Variants in PDE3A observed in about 807,000 individuals in gnomAD.
PDE3A encodes phosphodiesterase 3A.
A neutral mutation model predicts 98.3 loss-of-function variants in PDE3A; 43 were observed. That is an observed-to-expected ratio of 0.44 (90% CI 0.34 to 0.56). The LOEUF is 0.56. PDE3A is among the 20% of genes least tolerant of loss of function. The probability of loss-of-function intolerance (pLI) is 0.01; values close to 1 mark genes in which losing one functional copy is unlikely to be tolerated. For missense variants in PDE3A, 1,427 were observed against 1,440.7 expected, an observed-to-expected ratio of 0.99 and a Z score of 0.15; for synonymous variants, 663 against 567.9, an observed-to-expected ratio of 1.17 and a Z score of -2.38.
chr12:20,449,963 G>A, intron 1 of PDE3A: 1 of 742,486 alleles, frequency 1.3e-6, no homozygotes, highest in Non-Finnish European at 2.3e-6. Flanking sequence ...TTATATGGAG[G>A]GTTGTCAGGA....
At chr12:20,672,543 T>C (rs1002253100) in intron 15 of PDE3A, among the ~76,000 whole-genome samples, 34 of 151,394 alleles carry the variant, frequency 2.2e-4, no homozygotes, top group Admixed American at 7.3e-4. Context: ...GAAATAACGC[T>C]GCATATCTAC....
intron 2 of PDE3A, among the ~76,000 whole-genome samples, chr12:20,591,224 A>C (rs1943331317): frequency 6.6e-6 from 1 of 152,186 alleles, no homozygotes; most frequent in Non-Finnish European, 1.5e-5. Context: ...CCACAAAATA[A>C]GTTTTTGATT....
intron 2 of PDE3A, among the ~76,000 whole-genome samples, chr12:20,593,672 T>G (rs1159454931): frequency 1.3e-5 from 2 of 152,152 alleles, no homozygotes; most frequent in Non-Finnish European, 2.9e-5. Context: ...CAGTTTTGGT[T>G]AGTGATTTTG....
chr12:20,450,081 G>C, intron 1 of PDE3A: 1 of 557,670 alleles, frequency 1.8e-6, no homozygotes, highest in Non-Finnish European at 3.3e-6. Flanking sequence ...TCAGCCTTCT[G>C]CTGGTGCCGT....
intron 15 of PDE3A, among the ~76,000 whole-genome samples, chr12:20,668,441 A>G (rs1372402861): frequency 6.6e-6 from 1 of 152,068 alleles, no homozygotes; most frequent in Non-Finnish European, 1.5e-5. Context: ...GCAGACTTAA[A>G]TGTCCCTGTC....
rs148443160 is a variant in PDE3A, at chr12:20,370,045, A to G, written c.761A>G (p.Tyr254Cys). 1,394 of 1,612,894 alleles carry G rather than the reference A, an allele frequency of 8.6e-4. 1 individual carries two copies. The highest frequency in any genetic ancestry group is 1.1e-3 in the Non-Finnish European group (1,333 of 1,179,746). Reference sequence around the variant, plus strand: ...GTGCTGGGGATCCTCTTGGCCAGGTACGTGGAACAAATCTTGCCGCAGTCC... The same window carrying G: ...GTGCTGGGGATCCTCTTGGCCAGGTGCGTGGAACAAATCTTGCCGCAGTCC... ...AGVLGILLAR[Y>C]VEQILPQSAE... Residue 254 changes from tyrosine (Y) to cysteine (C), a missense_variant, in exon 1 of 16, where the codon TAC becomes TGC. By Grantham distance (194) the Tyr-to-Cys change is radical. This residue lies in a region of PDE3A where 1,012 missense variants were observed against 886.5 expected (regional missense o/e 1.14). Transcript: ENST00000359062.
At chr12:20,673,260 A>T (rs1315684649) in intron 15 of PDE3A, among the ~76,000 whole-genome samples, 4 of 151,548 alleles carry the variant, frequency 2.6e-5, no homozygotes, top group Non-Finnish European at 5.9e-5. Flanking sequence ...TGGGACTGTA[A>T]ACTAGTTCAA....
intron 15 of PDE3A, among the ~76,000 whole-genome samples, chr12:20,672,929 A>AT (rs1173269895): frequency 6.7e-6 from 1 of 148,522 alleles, no homozygotes; most frequent in Non-Finnish European, 1.5e-5. Flanking sequence ...AAAATGGGAG[A>AT]AAATTTTCAC....
At chr12:20,551,492 T>G (rs9737659) in intron 1 of PDE3A, 15 of 781,074 alleles carry the variant, frequency 1.9e-5, no homozygotes, top group Non-Finnish European at 3.1e-5. Flanking sequence ...CCGTTCTTAG[T>G]TGGTGGAGCG....
chr12:20,596,020 A>C (rs1358774612), intron 2 of PDE3A, among the ~76,000 whole-genome samples: 1 of 152,158 alleles, frequency 6.6e-6, no homozygotes, highest in Admixed American at 6.5e-5. Context: ...TTATGATTAT[A>C]ATTTTAAAAG....
At chr12:20,679,148 G>A (rs1592179857) in intron 15 of PDE3A, among the ~76,000 whole-genome samples, 1 of 152,274 alleles carries the variant, frequency 6.6e-6, no homozygotes, top group Non-Finnish European at 1.5e-5. Flanking sequence ...TTTCAGGATA[G>A]ACAATACCAG....
chr12:20,582,565 A>G (rs1264439000), intron 2 of PDE3A, among the ~76,000 whole-genome samples: 1 of 152,124 alleles, frequency 6.6e-6, no homozygotes, highest in Non-Finnish European at 1.5e-5. Context: ...AGTGATAAAT[A>G]TATATACGCT....
At chr12:20,551,171 A>G (rs1017186665) in intron 1 of PDE3A, among the ~76,000 whole-genome samples, 18 of 152,058 alleles carry the variant, frequency 1.2e-4, no homozygotes, top group Non-Finnish European at 1.8e-4. Context: ...TTTACTTCCA[A>G]TAAAGTTAAA....
At chr12:20,483,681 TTTAA>T (rs1945672815) in intron 1 of PDE3A, among the ~76,000 whole-genome samples, 2 of 152,212 alleles carry the variant, frequency 1.3e-5, no homozygotes, top group Non-Finnish European at 2.9e-5. Context: ...TACTTTCTAG[TTTAA>T]TTGTTATGGA....
At chr12:20,460,213 T>C (rs1945224139) in intron 1 of PDE3A, among the ~76,000 whole-genome samples, 1 of 151,942 alleles carries the variant, frequency 6.6e-6, no homozygotes, top group African/African-American at 2.4e-5. Context: ...TAAAGAAAAA[T>C]GTAGTTTAGA....
intron 2 of PDE3A, among the ~76,000 whole-genome samples, chr12:20,559,187 C>A (rs1942448523): frequency 2.0e-5 from 3 of 151,966 alleles, no homozygotes; most frequent in Non-Finnish European, 4.4e-5. Flanking sequence ...TACACAAATA[C>A]CATTTGTTAC....
At chr12:20,637,935 T>TA (rs1944556442) in intron 9 of PDE3A, among the ~76,000 whole-genome samples, 1 of 152,154 alleles carries the variant, frequency 6.6e-6, no homozygotes, top group Non-Finnish European at 1.5e-5. Flanking sequence ...TACACACCCT[T>TA]AATTAAATAA....
chr12:20,466,978 T>C (rs971047715), intron 1 of PDE3A, among the ~76,000 whole-genome samples: 1 of 152,200 alleles, frequency 6.6e-6, no homozygotes, highest in Non-Finnish European at 1.5e-5. Context: ...TTTTCAGAAA[T>C]AAGCACATAT....
At chr12:20,642,558 T>C (rs1017466655) in intron 10 of PDE3A, among the ~76,000 whole-genome samples, 3 of 152,160 alleles carry the variant, frequency 2.0e-5, no homozygotes, top group Non-Finnish European at 2.9e-5. Context: ...TTTTTGAAGG[T>C]AGTTTTTATT....
Sources: allele counts gnomAD v4.1 joint callset (sites outside exome capture counted in the v4.1 genomes callset), GRCh38; gene constraint gnomAD v4.1.1; regional missense constraint gnomAD v4.1.1; transcripts MANE v1.5; gene names NCBI Gene and HGNC (gene_info 2026-07-23, HGNC 2026-07-21).